The following OTUD7B variants were observed in gnomAD, a reference collection of about 807,000 sequenced individuals.
OTUD7B encodes the protein OTU deubiquitinase 7B.
In OTUD7B, 34 loss-of-function variants were observed where a neutral mutation model predicts 82.2. The observed-to-expected ratio is 0.41, with a 90% CI of 0.31 to 0.55. The LOEUF (loss-of-function observed/expected upper bound fraction) is 0.55. Ranked by LOEUF, OTUD7B falls within the 20% of genes least tolerant of loss-of-function variation. The probability of loss-of-function intolerance (pLI) is 0.20; values close to 1 mark genes in which losing one functional copy is unlikely to be tolerated. For synonymous variants in OTUD7B, 398 were observed against 402.7 expected, an observed-to-expected ratio of 0.99 and a Z score of 0.14; for missense variants, 944 against 1,062.1, an observed-to-expected ratio of 0.89 and a Z score of 1.55.
chr1:150,028,784 C>T, the OTUD7B span, among the ~76,000 whole-genome samples: 2,352 of 152,302 alleles, frequency 0.015, 60 homozygotes, highest in African/African-American at 0.054. Context: ...GATTCTCCTG[C>T]CTCAGCCTCC....
chr1:150,000,587 A>G (rs76563533), intron 1 of OTUD7B, among the ~76,000 whole-genome samples: 1,708 of 152,314 alleles, frequency 0.011, 38 homozygotes, highest in African/African-American at 0.039. Context: ...ACCTGTAGAC[A>G]CATCTGAAAA....
intron 6 of OTUD7B, among the ~76,000 whole-genome samples, chr1:149,960,722 C>T (rs906477219): frequency 1.3e-5 from 2 of 151,814 alleles, no homozygotes; most frequent in South Asian, 4.2e-4. Context: ...CAGCTACCTA[C>T]TGGAGACTGC....
intron 1 of OTUD7B, among the ~76,000 whole-genome samples, chr1:150,002,533 G>A (rs1183661340): frequency 4.6e-5 from 7 of 152,264 alleles, no homozygotes; most frequent in African/African-American, 1.7e-4. Flanking sequence ...AAAAAAGACG[G>A]TAGAATGGAA....
intron 1 of OTUD7B, among the ~76,000 whole-genome samples, chr1:149,989,637 G>T (rs1459313096): frequency 6.6e-6 from 1 of 151,096 alleles, no homozygotes; most frequent in Non-Finnish European, 1.5e-5. Flanking sequence ...TACTCAAGAG[G>T]CTGAGCCAAG....
intron 1 of OTUD7B, among the ~76,000 whole-genome samples, chr1:149,984,669 G>A (rs1185440670): frequency 6.6e-6 from 1 of 152,012 alleles, no homozygotes; most frequent in South Asian, 2.1e-4. Context: ...AATCATACAG[G>A]CACTTAAAAT....
rs1414117881 is a variant in OTUD7B at position 149,942,171 on chromosome 1, A to G, written c.*1686T>C. 6.6e-6 allele frequency: 1 copy of G among 152,632 alleles called. No homozygotes were observed. 9.5% of individuals were successfully genotyped at this position (152,632 alleles called of 1,614,324 possible). A position where few individuals can be genotyped will look rare whatever the true frequency, so the allele number is the denominator to read the frequency against. On this transcript the variant is annotated 3_prime_UTR_variant, in exon 12 of 12. Transcript: ENST00000581312. ...AAATGTGGGGATTACGTTCCAAGGG[A>G]TGGGTTATGAGTACATACCTCAAAA...
At chr1:149,979,692 A>G (rs1171542310) in intron 1 of OTUD7B, among the ~76,000 whole-genome samples, 1 of 152,156 alleles carries the variant, frequency 6.6e-6, no homozygotes, top group Non-Finnish European at 1.5e-5. Context: ...CAAATGTCAA[A>G]TTCAAATTCA....
rs1647300679 is a variant in OTUD7B, at chr1:149,942,152, G to C, written c.*1705C>G. On this transcript the variant is annotated 3_prime_UTR_variant, in exon 12 of 12. Transcript: ENST00000581312. The stretch of plus-strand genomic sequence containing the variant: ...CGCTCAAGTGCTTTAGATCAAATGT[G>C]GGGATTACGTTCCAAGGGATGGGTT... 1 of 152,560 alleles carries C rather than the reference G, an allele frequency of 6.6e-6. No individual in the cohort carries two copies. The highest frequency in any genetic ancestry group is 2.1e-4 in the South Asian group (1 of 4,826). The allele number at this position is 152,560 out of a possible 1,614,324, so 9.5% of individuals were successfully genotyped here. A position where few individuals can be genotyped will look rare whatever the true frequency, so the allele number is the denominator to read the frequency against.
chr1:150,016,281 G>A, the OTUD7B span, among the ~76,000 whole-genome samples: 2 of 151,978 alleles, frequency 1.3e-5, no homozygotes, highest in Non-Finnish European at 2.9e-5. Context: ...AATCTCCTTT[G>A]TAAGAGGGAA....
chr1:149,943,572 A>C lies in OTUD7B; in HGVS notation c.*285T>G. The C allele has an allele frequency of 5.6e-6, 2 of 356,262 alleles. No homozygotes were observed. The highest frequency in any genetic ancestry group is 1.0e-5 in the Non-Finnish European group (2 of 195,740). 22.1% of individuals were successfully genotyped at this position (356,262 alleles called of 1,614,324 possible). On this transcript the variant is annotated 3_prime_UTR_variant, in exon 12 of 12. Transcript: ENST00000581312. Reference sequence around the variant, plus strand: ...ACTTTCTCTTAGGTCCCTGGATGGGACCCAGGAGGTTATAAGACAGAATCG... The same window carrying C: ...ACTTTCTCTTAGGTCCCTGGATGGGCCCCAGGAGGTTATAAGACAGAATCG...
At chr1:150,009,166 C>T (rs1553786765) in intron 1 of OTUD7B, among the ~76,000 whole-genome samples, 2 of 152,194 alleles carry the variant, frequency 1.3e-5, no homozygotes, top group African/African-American at 4.8e-5. Flanking sequence ...TTAACTACCT[C>T]TGATTCTCCC....
chr1:149,972,514 T>C (rs1473351242), intron 2 of OTUD7B, among the ~76,000 whole-genome samples: 1 of 152,226 alleles, frequency 6.6e-6, no homozygotes, highest in Non-Finnish European at 1.5e-5. Context: ...ACATTGTTAG[T>C]AAGGCCTACC....
chr1:150,021,181 C>T, the OTUD7B span, among the ~76,000 whole-genome samples: 1 of 152,128 alleles, frequency 6.6e-6, no homozygotes, highest in East Asian at 1.9e-4. Context: ...TCAGATTTTT[C>T]CCCCTTCGGG....
the OTUD7B span, among the ~76,000 whole-genome samples, chr1:150,025,621 G>C: frequency 6.6e-6 from 1 of 152,100 alleles, no homozygotes; most frequent in Non-Finnish European, 1.5e-5. Context: ...CAACTTCAGA[G>C]CCTCACATCT....
intron 1 of OTUD7B, among the ~76,000 whole-genome samples, chr1:150,002,112 AC>A (rs781876132): frequency 9.2e-5 from 14 of 152,362 alleles, no homozygotes; most frequent in Middle Eastern, 6.8e-3. Context: ...AACAAATATG[AC>A]AAAATGTTAA....
upstream of OTUD7B, among the ~76,000 whole-genome samples, chr1:150,011,532 A>G (rs1653063871): frequency 6.6e-6 from 1 of 152,222 alleles, no homozygotes. Context: ...CTGAGTGACA[A>G]TGAGCTATGG....
intron 1 of OTUD7B, among the ~76,000 whole-genome samples, chr1:149,978,840 T>C (rs1571677318): frequency 6.6e-6 from 1 of 152,206 alleles, no homozygotes; most frequent in African/African-American, 2.4e-5. Context: ...CAGCTTTCTA[T>C]AGAAGACTCA....
chr1:150,046,505 T>C, the OTUD7B span, among the ~76,000 whole-genome samples: 1 of 139,628 alleles, frequency 7.2e-6, no homozygotes, highest in Non-Finnish European at 1.5e-5. Flanking sequence ...TGGAGTACAG[T>C]GGGGCGATCT....
At chr1:149,949,564 C>T (rs1208845238) in intron 9 of OTUD7B, 65 bp downstream of exon 9, 4 of 1,530,234 alleles carry the variant, frequency 2.6e-6, no homozygotes, top group Non-Finnish European at 3.6e-6. Flanking sequence ...TTTCCTCCTA[C>T]ATTAGATCTC....
Sources: allele counts gnomAD v4.1 joint callset (sites outside exome capture counted in the v4.1 genomes callset), GRCh38; gene constraint gnomAD v4.1.1; transcripts MANE v1.5; gene names NCBI Gene and HGNC (gene_info 2026-07-23, HGNC 2026-07-21).